HSDL2: variants seen among roughly 807,000 people sequenced by gnomAD.
HSDL2 encodes the protein hydroxysteroid dehydrogenase like 2, also known as hydroxysteroid dehydrogenase-like protein 2.
Under a neutral mutation model 46.3 loss-of-function variants are expected in HSDL2, and 27 were observed. The observed-to-expected ratio is 0.58, with a 90% CI of 0.43 to 0.80. The LOEUF (loss-of-function observed/expected upper bound fraction) is 0.80. Among genes scored for constraint, HSDL2 ranks in the 30% least tolerant of loss-of-function variants. The pLI is 0.00. For missense variants in HSDL2, 451 were observed against 502.7 expected (o/e 0.90, Z 0.98); for synonymous variants, 153 against 163.6 (o/e 0.94, Z 0.50).
intron 1 of HSDL2, among the ~76,000 whole-genome samples, chr9:112,387,751 G>C (rs923898140): frequency 3.3e-5 from 5 of 152,094 alleles, no homozygotes; most frequent in Non-Finnish European, 7.3e-5. Flanking sequence ...AAGTGAGTAC[G>C]GATGGACGTT....
intron 1 of HSDL2, among the ~76,000 whole-genome samples, chr9:112,395,289 C>A (rs548706717): frequency 3.9e-5 from 6 of 152,146 alleles, no homozygotes; most frequent in Non-Finnish European, 5.9e-5. Context: ...CAGTCTCTGA[C>A]GCGGACATCT....
At chr9:112,403,967 T>C in intron 1 of HSDL2, 28 bp from the exon 2 acceptor site, 1 of 1,600,682 alleles carries the variant, frequency 6.2e-7, no homozygotes, top group Middle Eastern at 1.7e-4. Flanking sequence ...TTGGGTCTTC[T>C]AATAAGGTCG....
chr9:112,421,912 C>T lies in HSDL2; in HGVS notation c.598+2954C>T, dbSNP rs114338444. Among the ~76,000 whole-genome samples, 1,218 of 152,194 alleles carry T rather than the reference C, an allele frequency of 8.0e-3. 14 individuals carry two copies. Among genetic ancestry groups the T allele is most frequent in the African/African-American group, 0.027 (1,133 of 41,520 alleles). On this transcript the variant is annotated intron_variant, in intron 6 of 10. Coordinates refer to ENST00000398805, the MANE Select transcript of HSDL2 (RefSeq NM_032303.5). ...TCTGTAAGAGAAGGAACTTGAGAAG[C>T]TTGTGAAAGACTGTTCTCTCTGAGC...
At chr9:112,395,419 A>G (rs1208025473) in intron 1 of HSDL2, among the ~76,000 whole-genome samples, 1 of 152,138 alleles carries the variant, frequency 6.6e-6, no homozygotes, top group Non-Finnish European at 1.5e-5. Flanking sequence ...CCACGTTATA[A>G]TTGTTCCAGG....
At chr9:112,459,782 T>C (rs552458558) in intron 10 of HSDL2, among the ~76,000 whole-genome samples, 12 of 152,320 alleles carry the variant, frequency 7.9e-5, no homozygotes, top group Admixed American at 6.5e-4. Flanking sequence ...AATTATTTTC[T>C]TCCATTACTG....
At chr9:112,408,885 A>G in intron 3 of HSDL2, 22 bp from the exon 4 acceptor site, 1 of 1,277,318 alleles carries the variant, frequency 7.8e-7, no homozygotes, top group Non-Finnish European at 1.1e-6. Context: ...CATTAAAATG[A>G]AATTGATTAT....
chr9:112,438,068 C>G (rs893061010), intron 6 of HSDL2, among the ~76,000 whole-genome samples: 3 of 152,066 alleles, frequency 2.0e-5, no homozygotes, highest in African/African-American at 7.2e-5. Flanking sequence ...TGGTGAAACC[C>G]CGTTTCTATT....
intron 10 of HSDL2, among the ~76,000 whole-genome samples, chr9:112,466,033 T>A (rs1833367334): frequency 6.6e-6 from 1 of 152,202 alleles, no homozygotes. Flanking sequence ...TTTTTCCATA[T>A]TCTTGCACTT....
At chr9:112,456,965 G>T (rs1055336229) in intron 9 of HSDL2, among the ~76,000 whole-genome samples, 2 of 152,162 alleles carry the variant, frequency 1.3e-5, no homozygotes, top group African/African-American at 4.8e-5. Flanking sequence ...TGGCCAACAT[G>T]GCAAAACCTC....
chr9:112,406,255 A>G (rs1831725651), intron 3 of HSDL2, among the ~76,000 whole-genome samples: 1 of 152,034 alleles, frequency 6.6e-6, no homozygotes, highest in African/African-American at 2.4e-5. Context: ...ATGAAGAGAA[A>G]TTACTTAATC....
intron 10 of HSDL2, among the ~76,000 whole-genome samples, chr9:112,468,322 C>G (rs1833453736): frequency 6.6e-6 from 1 of 152,148 alleles, no homozygotes. Context: ...AGTTTTCTCT[C>G]TTCTGACTTT....
chr9:112,461,432 C>A (rs1806649789), intron 10 of HSDL2, among the ~76,000 whole-genome samples: 1 of 152,162 alleles, frequency 6.6e-6, no homozygotes, highest in South Asian at 2.1e-4. Context: ...ACAACTATTT[C>A]TCCATAGAGC....
chr9:112,410,306 G>GT (rs1831831242), intron 4 of HSDL2, among the ~76,000 whole-genome samples: 1 of 152,190 alleles, frequency 6.6e-6, no homozygotes, highest in Non-Finnish European at 1.5e-5. Flanking sequence ...TACCTTACAT[G>GT]TATCTTGTTA....
intron 6 of HSDL2, among the ~76,000 whole-genome samples, chr9:112,423,220 C>T (rs1006050705): frequency 2.6e-5 from 4 of 152,178 alleles, no homozygotes; most frequent in Non-Finnish European, 5.9e-5. Context: ...CAAATAACAA[C>T]TCCCTATATT....
chr9:112,418,810 C>A, intron 5 of HSDL2, 50 bp from the exon 6 acceptor site: 1 of 1,066,966 alleles, frequency 9.4e-7, no homozygotes, highest in Non-Finnish European at 1.3e-6. Flanking sequence ...ACAAGTTAAT[C>A]AAATTAATTT....
chr9:112,423,119 A>AATGGCTG (rs1215268538), intron 6 of HSDL2, among the ~76,000 whole-genome samples: 6 of 152,226 alleles, frequency 3.9e-5, no homozygotes, highest in African/African-American at 1.4e-4. Flanking sequence ...GAGAGAAAAT[A>AATGGCTG]ATGGCTGGCA....
At chr9:112,417,026 C>A (rs1012272848) in intron 5 of HSDL2, 82 bp downstream of exon 5, 5 of 559,922 alleles carry the variant, frequency 8.9e-6, no homozygotes, top group Non-Finnish European at 1.3e-5. Context: ...GATGTAATCA[C>A]AATCTGCACA....
At chr9:112,464,936 A>C (rs1172567234) in intron 10 of HSDL2, among the ~76,000 whole-genome samples, 2 of 152,114 alleles carry the variant, frequency 1.3e-5, no homozygotes, top group African/African-American at 4.8e-5. Context: ...AGCAACAACT[A>C]ATCAACTTTC....
In HSDL2 at chr9:112,409,961, G is replaced by A. The variant is rs146089795; in HGVS notation, c.395+940G>A. On this transcript the variant is annotated intron_variant, in intron 4 of 10. Transcript: ENST00000398805. The stretch of plus-strand genomic sequence containing the variant: ...TTTCATAGGACACAGTCCTTTCATA[G>A]GACTATTTAGGATTACTGAAGCCAG... 2.9e-3 allele frequency among the ~76,000 whole-genome samples: 440 copies of A among 151,368 alleles called. 3 individuals are homozygous for A. The highest frequency in any genetic ancestry group is 0.01 in the African/African-American group (419 of 41,240).
Sources: allele counts gnomAD v4.1 joint callset (sites outside exome capture counted in the v4.1 genomes callset), GRCh38; gene constraint gnomAD v4.1.1; transcripts MANE v1.5; gene names NCBI Gene and HGNC (gene_info 2026-07-23, HGNC 2026-07-21).